The following ATP8B3 variants were observed in gnomAD, a reference collection of about 807,000 sequenced individuals.
ATP8B3 encodes ATPase phospholipid transporting 8B3.
ATP8B3 carries 141 observed loss-of-function variants against 140.9 expected under a neutral mutation model. The ratio of observed to expected loss-of-function variants is 1.00; its 90% CI spans 0.87 to 1.15. ATP8B3 has a LOEUF of 1.15. ATP8B3 is among the 50% of genes most tolerant of loss of function. ATP8B3 has a pLI of 0.00. For synonymous variants in ATP8B3, 765 were observed against 714.6 expected, an observed-to-expected ratio of 1.07 and a Z score of -1.13; for missense variants, 1,874 against 1,740.6, an observed-to-expected ratio of 1.08 and a Z score of -1.36.
At chr19:1,802,709 C>A in intron 10 of ATP8B3, 64 bp from the exon 11 acceptor site, 1 of 1,545,028 alleles carries the variant, frequency 6.5e-7, no homozygotes, top group Non-Finnish European at 8.7e-7. Flanking sequence ...GTTCCCTGCA[C>A]CGGGTGCAGG....
In ATP8B3 at chr19:1,790,035, TC is replaced by T. The variant is rs998775086; in HGVS notation, c.2379-47del. The T allele has an allele frequency of 6.9e-6, 10 of 1,439,370 alleles. No homozygotes were observed. In the African/African-American group the frequency reaches 1.1e-4, roughly 16 times the overall value. The allele number at this position is 1,439,370 out of a possible 1,614,324, so 89.2% of individuals were successfully genotyped here. On this transcript the variant is annotated intron_variant, in intron 21 of 28. Coordinates refer to ENST00000310127, the MANE Select transcript of ATP8B3 (RefSeq NM_138813.4). Reference sequence around the variant, plus strand: ...CGGGGCAGGGGAGGGGGCGGGCTTCTCCCCACTTCCCCGGGGGCTCCACTGC... The same window carrying T: ...CGGGGCAGGGGAGGGGGCGGGCTTCTCCCACTTCCCCGGGGGCTCCACTGC...
chr19:1,795,776 C>A, intron 18 of ATP8B3, 99 bp downstream of exon 18: 1 of 1,210,026 alleles, frequency 8.3e-7, no homozygotes, highest in Non-Finnish European at 1.2e-6. Context: ...TCCTCCTCCT[C>A]CTGTCCCTAC....
intron 10 of ATP8B3, among the ~76,000 whole-genome samples, chr19:1,803,113 G>C (rs1267803906): frequency 6.6e-6 from 1 of 152,144 alleles, no homozygotes; most frequent in East Asian, 1.9e-4. Flanking sequence ...CCTGATCGAT[G>C]AGCCTCCTTT....
Position 1,785,207 on chromosome 19 carries a change from G to A in ATP8B3, c.3484C>T (p.Gln1162Ter). The change falls in exon 27 of 29, where the codon CAG (glutamine) becomes TAG (stop). Residue 1162 changes from glutamine (Q) to a stop codon, truncating the protein, a stop_gained. Coordinates refer to ENST00000310127, the MANE Select transcript of ATP8B3 (RefSeq NM_138813.4). LOFTEE classifies it high-confidence loss of function. ...GATACTCTGAAGAGCCAGAAGCTCT[G>A]GGTGGTGGTAGTCATGATGGCGTAG... Reference protein sequence around the residue: ...GFYAIMTTTTQSFWLFRVSPT... With the variant: ...GFYAIMTTTT The A allele has an allele frequency of 6.2e-7, 1 of 1,605,630 alleles. No individual in the cohort carries two copies. Among genetic ancestry groups the A allele is most frequent in the South Asian group, 1.1e-5 (1 of 89,600 alleles).
chr19:1,797,260 C>T (rs6510627), intron 14 of ATP8B3, among the ~76,000 whole-genome samples: 1 of 150,556 alleles, frequency 6.6e-6, no homozygotes, highest in Non-Finnish European at 1.5e-5. Flanking sequence ...AGCCTGGAGC[C>T]GGATGCGGCC....
In ATP8B3 at chr19:1,789,597, C is replaced by T. The variant is rs1395588686; in HGVS notation, c.2609G>A (p.Cys870Tyr). Residue 870 changes from cysteine (C) to tyrosine (Y), a missense_variant, in exon 23 of 29, where the codon TGC (cysteine) becomes TAC (tyrosine). Transcript: ENST00000310127. ...FLYARRLSLL[C>Y]RRFGLPLAAP... ...AGCCAGCGGGAGCCCGAACCTCCGG[C>T]ACAGCAGGGACAGGCGCCTGGCGTA... 2 of 1,593,422 alleles carry T rather than the reference C, an allele frequency of 1.3e-6. No homozygotes were observed. Among genetic ancestry groups the T allele is most frequent in the Non-Finnish European group, 1.7e-6 (2 of 1,174,582 alleles).
intron 14 of ATP8B3, among the ~76,000 whole-genome samples, chr19:1,797,995 GTCTC>G (rs758813473): frequency 4.0e-5 from 6 of 151,880 alleles, no homozygotes; most frequent in South Asian, 2.1e-4. Flanking sequence ...GTGTGATGGA[GTCTC>G]TCTCTATCAC....
chr19:1,800,263 T>G lies in ATP8B3; in HGVS notation c.1339A>C (p.Ile447Leu). The G allele has an allele frequency of 5.0e-6, 8 of 1,610,930 alleles. No individual in the cohort carries two copies. The highest frequency in any genetic ancestry group is 6.8e-6 in the Non-Finnish European group (8 of 1,179,184). ...LSVTIPMSMFILSEFIYLGNS... is the reference protein window; with the variant it reads ...LSVTIPMSMFLLSEFIYLGNS... ...ACGCAGCCGGCGGAGACTCACAGGATGAACATGGACATCGGGATGGTGACG... is the reference window on the plus strand; with the variant it reads ...ACGCAGCCGGCGGAGACTCACAGGAGGAACATGGACATCGGGATGGTGACG... Residue 447 changes from isoleucine to leucine, a missense_variant, in exon 13 of 29, where the codon ATC becomes CTC. Physicochemically the swap from Ile to Leu is conservative, Grantham distance 5. Around this residue, in one of 3 missense-constraint regions of ATP8B3, gnomAD observed 1,032 missense variants for 963.6 expected, o/e 1.07. Transcript: ENST00000310127. This position sits in a 1 kb window ranked among gnomAD's most constrained non-coding sequence, Gnocchi z 4.4.
chr19:1,791,224 T>C (rs2068499959), intron 20 of ATP8B3, among the ~76,000 whole-genome samples: 1 of 152,110 alleles, frequency 6.6e-6, no homozygotes, highest in African/African-American at 2.4e-5. Flanking sequence ...TCACTTTTTT[T>C]TTTTTTGACA....
rs2068183301 is a variant in ATP8B3, at chr19:1,782,228, A to T, written c.*800T>A. The T allele has an allele frequency of 6.5e-6, 2 of 307,050 alleles. No individual in the cohort carries two copies. Among genetic ancestry groups the T allele is most frequent in the African/African-American group, 4.4e-5 (2 of 45,106 alleles). 19.0% of individuals were successfully genotyped at this position (307,050 alleles called of 1,614,324 possible). A position where few individuals can be genotyped will look rare whatever the true frequency, so the allele number is the denominator to read the frequency against. ...AGGAAGGACATCTTCCTGATATGCC[A>T]GCGTGACTCCTTTGGGCTCGAAGAT... On this transcript the variant is annotated 3_prime_UTR_variant, in exon 29 of 29. Coordinates refer to ENST00000310127, the MANE Select transcript of ATP8B3 (RefSeq NM_138813.4).
At chr19:1,804,358 C>T (rs1192233880) in intron 10 of ATP8B3, among the ~76,000 whole-genome samples, 2 of 152,050 alleles carry the variant, frequency 1.3e-5, no homozygotes, top group Admixed American at 1.3e-4. Flanking sequence ...GCCTGTAATC[C>T]CAACACTTTG....
chr19:1,796,153 C>G lies in ATP8B3; in HGVS notation c.1866G>C (p.Glu622Asp), dbSNP rs547785223. The change falls in exon 17 of 29, where the codon GAG becomes GAC. Residue 622 changes from glutamate to aspartate, a missense_variant. Glu to Asp is a conservative substitution (Grantham distance 45). Around this residue, in one of 3 missense-constraint regions of ATP8B3, gnomAD observed 1,032 missense variants for 963.6 expected, o/e 1.07. Coordinates refer to ENST00000310127, the MANE Select transcript of ATP8B3 (RefSeq NM_138813.4). ...CCTGGTAGACCCGTTCCTCCCCCAG[C>G]TCCATGATCGTGACGGTGTCCTGGG... Reference protein sequence around the residue: ...SRTQDTVTIMELGEERVYQVL... With the variant: ...SRTQDTVTIMDLGEERVYQVL... The G allele has an allele frequency of 5.0e-6, 8 of 1,613,036 alleles. No homozygotes were observed. Among genetic ancestry groups the G allele is most frequent in the Middle Eastern group, 1.6e-4 (1 of 6,062 alleles).
chr19:1,796,181 C>T lies in ATP8B3; in HGVS notation c.1838G>A (p.Arg613His), dbSNP rs774346791. The T allele has an allele frequency of 2.1e-5, 34 of 1,612,762 alleles. No homozygotes were observed. Among genetic ancestry groups the T allele is most frequent in the Admixed American group, 5.0e-5 (3 of 60,004 alleles). ...CATGATCGTGACGGTGTCCTGGGTG[C>T]GGGACAGGAACACGTAGCCGAAGTT... ...ARNFGYVFLSRTQDTVTIMEL... is the reference protein window; with the variant it reads ...ARNFGYVFLSHTQDTVTIMEL... The change falls in exon 17 of 29, where the codon CGC becomes CAC. Residue 613 changes from arginine to histidine, a missense_variant. Transcript: ENST00000310127.
In ATP8B3 at chr19:1,790,827, C is replaced by CCGTTTCTG. The variant is rs777635261; in HGVS notation, c.2303-3_2307dup (p.Ala770GlnfsTer5). 2.5e-6 allele frequency: 4 copies of CCGTTTCTG among 1,599,006 alleles called. No homozygotes were observed. The highest frequency in any genetic ancestry group is 4.5e-5 in the East Asian group (2 of 44,184). On this transcript the variant is annotated frameshift_variant, in exon 21 of 29. Coordinates refer to ENST00000310127, the MANE Select transcript of ATP8B3 (RefSeq NM_138813.4). LOFTEE classifies it high-confidence loss of function. The stretch of plus-strand genomic sequence containing the variant: ...TCGCAGGCGAAGCCGATGTTCACAG[C>CCGTTTCTG]CGTTTCTGCGAAGCAGACCAGCTCA...
Position 1,796,075 on chromosome 19 carries a change from A to C in ATP8B3, c.1942+2T>G. The C allele has an allele frequency of 1.2e-6, 2 of 1,612,566 alleles. No homozygotes were observed. The highest frequency in any genetic ancestry group is 2.2e-5 in the South Asian group (2 of 91,066). On this transcript the variant is annotated splice_donor_variant, in intron 17 of 28. Transcript: ENST00000310127. LOFTEE classifies it high-confidence loss of function. Reference sequence around the variant, plus strand: ...GCCCAGGGCTTGGGTGGCGGGGCTCACCCAGCACCGACATCCGTTTGCGCG... The same window carrying C: ...GCCCAGGGCTTGGGTGGCGGGGCTCCCCCAGCACCGACATCCGTTTGCGCG...
rs958095742 is a variant in ATP8B3, at chr19:1,810,495, C to T, written c.310+127G>A. The T allele has an allele frequency of 1.3e-5, 12 of 899,210 alleles. No individual in the cohort carries two copies. The African/African-American group carries it at 2.1e-4, about 16-fold the overall frequency. The allele number at this position is 899,210 out of a possible 1,614,324, so 55.7% of individuals were successfully genotyped here. On this transcript the variant is annotated intron_variant, in intron 3 of 28. Coordinates refer to ENST00000310127, the MANE Select transcript of ATP8B3 (RefSeq NM_138813.4). ...TTGCCCAGGCTCTCGAACCCCTGACCTCAAGTGATCCACCCGCCTCAGCCT... is the reference window on the plus strand; with the variant it reads ...TTGCCCAGGCTCTCGAACCCCTGACTTCAAGTGATCCACCCGCCTCAGCCT...
chr19:1,789,676 C>T lies in ATP8B3; in HGVS notation c.2530G>A (p.Val844Met). ...RKEPRALAQN[V>M]NMDEAWQELG... ...TCCTGCCACGCCTCGTCCATGTTCACGTTCTGCGCCAGGGCGCGCGGCTCC... is the reference window on the plus strand; with the variant it reads ...TCCTGCCACGCCTCGTCCATGTTCATGTTCTGCGCCAGGGCGCGCGGCTCC... Residue 844 changes from valine to methionine, a missense_variant, in exon 23 of 29, where the codon GTG (valine) becomes ATG (methionine). By Grantham distance (21) the Val-to-Met change is conservative. Coordinates refer to ENST00000310127, the MANE Select transcript of ATP8B3 (RefSeq NM_138813.4). 1 of 1,598,966 alleles carries T rather than the reference C, an allele frequency of 6.3e-7. No individual in the cohort carries two copies. The highest frequency in any genetic ancestry group is 1.1e-5 in the South Asian group (1 of 89,742).
At position 1,788,372 on chromosome 19, in the gene ATP8B3, C is replaced by T. The variant is rs116467674; in HGVS notation, c.3069+525G>A. On this transcript the variant is annotated intron_variant, in intron 24 of 28. Transcript: ENST00000310127. ...CCTTGCTTGAAAGCTCTGAGTGTGC[C>T]GGGCACGGTGGCTCACGCTGTAATC... 1.2e-3 allele frequency among the ~76,000 whole-genome samples: 177 copies of T among 152,220 alleles called. 2 individuals are homozygous for T. The highest frequency in any genetic ancestry group is 4.1e-3 in the African/African-American group (172 of 41,552).
In ATP8B3 at chr19:1,794,240, A is replaced by G. The variant is rs929443308; in HGVS notation, c.2055+1635T>C. On this transcript the variant is annotated intron_variant, in intron 18 of 28. Coordinates refer to ENST00000310127, the MANE Select transcript of ATP8B3 (RefSeq NM_138813.4). The surrounding 1 kb of genome is among the most constrained non-coding windows in gnomAD (Gnocchi z 4.8). ...ACGGGTCCAAGAGCTTGGGCTTGACACAGCAGAGGAGCTTCACGGACATTG... is the reference window on the plus strand; with the variant it reads ...ACGGGTCCAAGAGCTTGGGCTTGACGCAGCAGAGGAGCTTCACGGACATTG... 5.3e-5 allele frequency among the ~76,000 whole-genome samples: 8 copies of G among 152,164 alleles called. No homozygotes were observed.
Sources: gnomAD v4.1 joint callset for allele counts (sites outside exome capture counted in the v4.1 genomes callset) on GRCh38, gnomAD v4.1.1 for gene constraint, gnomAD v4.1.1 regional missense constraint, Gnocchi (gnomAD v3.1) non-coding constraint, MANE v1.5 for transcripts, NCBI Gene and HGNC (gene_info 2026-07-23, HGNC 2026-07-21) for gene names.